The following PLB1 variants were observed in gnomAD, a reference collection of about 807,000 sequenced individuals.
The protein encoded by PLB1 is phospholipase B1.
In PLB1, 242 loss-of-function variants were observed where a neutral mutation model predicts 227.4. The observed-to-expected ratio is 1.06, with a 90% CI of 0.96 to 1.18. PLB1 has a LOEUF of 1.18. PLB1 is among the 50% of genes most tolerant of loss of function. The probability of loss-of-function intolerance (pLI) is 0.00; values close to 1 mark genes in which losing one functional copy is unlikely to be tolerated. For synonymous variants in PLB1, 757 were observed against 682.2 expected (o/e 1.11, Z -1.71); for missense variants, 1,858 against 1,816.3 (o/e 1.02, Z -0.42).
chr2:28,589,121 C>T lies in PLB1; in HGVS notation c.1816-329C>T, dbSNP rs890917348. Among the ~76,000 whole-genome samples, 18 of 152,014 alleles carry T rather than the reference C, an allele frequency of 1.2e-4. No individual in the cohort carries two copies. In the South Asian group the frequency reaches 1.7e-3, roughly 14 times the overall value. On this transcript the variant is annotated intron_variant, in intron 26 of 57. Coordinates refer to ENST00000327757, the MANE Select transcript of PLB1 (RefSeq NM_153021.5). The stretch of plus-strand genomic sequence containing the variant: ...CGGAGGTTGCAGTGAGCCAAGATCG[C>T]GCCATTGCACTCCAGCCTGGGTGAC...
At chr2:28,641,901 C>G (rs1479407977) in intron 57 of PLB1, among the ~76,000 whole-genome samples, 1 of 152,124 alleles carries the variant, frequency 6.6e-6, no homozygotes, top group Non-Finnish European at 1.5e-5. Flanking sequence ...TCCCTACTGC[C>G]CATTGACCAG....
chr2:28,628,948 G>A lies in PLB1; in HGVS notation c.3727-146G>A. ...GCGGGGCCACTCAAGAAGATTCAGT[G>A]AGATACTACAAGTTGCATCCCCTCT... On this transcript the variant is annotated intron_variant, in intron 52 of 57. Coordinates refer to ENST00000327757, the MANE Select transcript of PLB1 (RefSeq NM_153021.5). The A allele has an allele frequency of 9.0e-6, 6 of 667,866 alleles. No individual in the cohort carries two copies. The South Asian group carries it at 1.2e-4, about 13-fold the overall frequency. The allele number at this position is 667,866 out of a possible 1,614,324, so 41.4% of individuals were successfully genotyped here. A position where few individuals can be genotyped will look rare whatever the true frequency, so the allele number is the denominator to read the frequency against.
rs547926410 is a variant in PLB1 at position 28,543,222 on chromosome 2, G to A, written c.890G>A (p.Arg297Gln). ...CTGGTTCTCTTTTAGGAGGACCCCC[G>A]ACTCCAGGATTCTACCACGCTGGCC... ...TTPSLHSEDP[R>Q]LQDSTTLAWH... Residue 297 changes from arginine to glutamine, a missense_variant, in exon 14 of 58, where the codon CGA becomes CAA. By Grantham distance (43) the Arg-to-Gln change is conservative. Coordinates refer to ENST00000327757, the MANE Select transcript of PLB1 (RefSeq NM_153021.5). 6.0e-5 allele frequency: 96 copies of A among 1,611,286 alleles called. No individual in the cohort carries two copies. Among genetic ancestry groups the A allele is most frequent in the African/African-American group, 1.9e-4 (14 of 75,010 alleles).
chr2:28,596,889 A>C (rs1404968644), intron 33 of PLB1, among the ~76,000 whole-genome samples: 1 of 152,242 alleles, frequency 6.6e-6, no homozygotes, highest in Admixed American at 6.5e-5. Flanking sequence ...GCATTCCTTG[A>C]ATGAAGAACA....
intron 22 of PLB1, among the ~76,000 whole-genome samples, chr2:28,579,276 A>G (rs1328732682): frequency 2.0e-5 from 3 of 152,158 alleles, no homozygotes; most frequent in African/African-American, 4.8e-5. Flanking sequence ...TTCCTTTCCC[A>G]TGGCCAAAAC....
rs552688514 is a variant in PLB1 at position 28,550,117 on chromosome 2, G to A, written c.1083+33G>A. 311 of 1,523,940 alleles carry A rather than the reference G, an allele frequency of 2.0e-4. 2 individuals carry two copies. In the South Asian group the frequency reaches 3.4e-3, roughly 16 times the overall value. 94.4% of individuals were successfully genotyped at this position (1,523,940 alleles called of 1,614,324 possible). On this transcript the variant is annotated intron_variant, in intron 16 of 57. Transcript: ENST00000327757. The stretch of plus-strand genomic sequence containing the variant: ...AAGGTTTTCTGTAATTGACAAACAT[G>A]CAGATGAACCAGGGGCTGTACTTCT...
At chr2:28,573,974 G>T (rs765089298) in intron 21 of PLB1, among the ~76,000 whole-genome samples, 1 of 152,206 alleles carries the variant, frequency 6.6e-6, no homozygotes, top group Non-Finnish European at 1.5e-5. Context: ...CAGTGAGCAC[G>T]GCCATCACTG....
chr2:28,609,918 A>G (rs1196515830), intron 43 of PLB1, among the ~76,000 whole-genome samples: 1 of 152,064 alleles, frequency 6.6e-6, no homozygotes, highest in Admixed American at 6.5e-5. Context: ...TGTACGTTAA[A>G]GGCTAACTAG....
chr2:28,570,690 G>A (rs1382154592), intron 20 of PLB1, among the ~76,000 whole-genome samples: 1 of 152,204 alleles, frequency 6.6e-6, no homozygotes, highest in Admixed American at 6.5e-5. Context: ...GGAGGCTGAG[G>A]CATAAGAATA....
intron 40 of PLB1, 92 bp downstream of exon 40, chr2:28,604,139 G>A: frequency 7.9e-7 from 1 of 1,261,912 alleles, no homozygotes; most frequent in Non-Finnish European, 1.1e-6. Flanking sequence ...CACAGGGAAG[G>A]AAAAGCTGGT....
At position 28,582,419 on chromosome 2, in the gene PLB1, T is replaced by C; in HGVS notation, c.1647T>C (p.Phe549=). ...DILHAEVPRA[F]VNLVTVLEIV... ...CCTTTTCTCAGGTTCCTCGGGCATT[T>C]GTGAACCTGGTGACGGTGCTTGAGA... Residue 549 remains phenylalanine (F), a synonymous_variant, in exon 25 of 58, where the codon TTT becomes TTC. Coordinates refer to ENST00000327757, the MANE Select transcript of PLB1 (RefSeq NM_153021.5). The C allele has an allele frequency of 6.2e-7, 1 of 1,613,194 alleles. No homozygotes were observed. Among genetic ancestry groups the C allele is most frequent in the Non-Finnish European group, 8.5e-7 (1 of 1,179,596 alleles).
chr2:28,600,911 A>G, intron 36 of PLB1, 51 bp downstream of exon 36: 1 of 1,516,094 alleles, frequency 6.6e-7, no homozygotes, highest in Middle Eastern at 1.7e-4. Flanking sequence ...AACCCACTAA[A>G]GTTGTCTCCA....
At chr2:28,601,004 G>T (rs994722439) in intron 36 of PLB1, 144 bp downstream of exon 36, 2 of 805,892 alleles carry the variant, frequency 2.5e-6, no homozygotes, top group South Asian at 3.3e-5. Flanking sequence ...CCCTGACAGA[G>T]GTCCTGTGGA....
At chr2:28,523,953 C>G (rs1413089552) in intron 4 of PLB1, among the ~76,000 whole-genome samples, 2 of 152,176 alleles carry the variant, frequency 1.3e-5, no homozygotes, top group African/African-American at 4.8e-5. Flanking sequence ...TAAATAATCC[C>G]TGACTTGTAT....
At chr2:28,535,963 G>GGGCCA (rs1210777820) in intron 9 of PLB1, among the ~76,000 whole-genome samples, 12 of 152,082 alleles carry the variant, frequency 7.9e-5, no homozygotes, top group African/African-American at 2.9e-4. Context: ...AGAGACCCAG[G>GGGCCA]GGCCACTGGA....
chr2:28,551,608 T>A (rs1674271378), intron 16 of PLB1, among the ~76,000 whole-genome samples: 1 of 152,220 alleles, frequency 6.6e-6, no homozygotes, highest in African/African-American at 2.4e-5. Context: ...AGACGCAGCA[T>A]GGCACAGTGA....
At chr2:28,611,634 G>A (rs113302913) in intron 43 of PLB1, among the ~76,000 whole-genome samples, 3 of 152,194 alleles carry the variant, frequency 2.0e-5, no homozygotes, top group South Asian at 2.1e-4. Context: ...GCTCTCTAAC[G>A]CTTGAGCTGC....
intron 11 of PLB1, 63 bp downstream of exon 11, chr2:28,539,241 GGGGCCCTTCATGT>G: frequency 6.9e-7 from 1 of 1,439,288 alleles, no homozygotes; most frequent in Non-Finnish European, 9.8e-7. Context: ...GCGGCCTGTG[GGGGCCCTTCATGT>G]GCCGTAATCT....
At chr2:28,529,429 C>A in intron 7 of PLB1, 22 bp downstream of exon 7, 1 of 1,551,096 alleles carries the variant, frequency 6.4e-7, no homozygotes, top group Non-Finnish European at 8.9e-7. Context: ...TTCTGTCTCT[C>A]TCTGAGGTTA....
Sources: gnomAD v4.1 joint callset for allele counts (sites outside exome capture counted in the v4.1 genomes callset) on GRCh38, gnomAD v4.1.1 for gene constraint, MANE v1.5 for transcripts, NCBI Gene and HGNC (gene_info 2026-07-23, HGNC 2026-07-21) for gene names.